The following PANK1 variants were observed in gnomAD, a reference collection of about 807,000 sequenced individuals.
PANK1 encodes pantothenate kinase 1, also known as pantothenic acid kinase 1.
PANK1 carries 18 observed loss-of-function variants against 40.1 expected under a neutral mutation model. That is an observed-to-expected ratio of 0.45 (90% CI 0.31 to 0.67). The LOEUF is 0.67. Among genes scored for constraint, PANK1 ranks in the 30% least tolerant of loss-of-function variants. The pLI, the probability that PANK1 is intolerant of heterozygous loss-of-function variation, is 0.06. For synonymous variants in PANK1, 242 were observed against 237.7 expected, an observed-to-expected ratio of 1.02 and a Z score of -0.17; for missense variants, 457 against 599.6, an observed-to-expected ratio of 0.76 and a Z score of 2.48.
At chr10:89,625,050 T>C (rs1431673145) in intron 1 of PANK1, among the ~76,000 whole-genome samples, 14 of 152,162 alleles carry the variant, frequency 9.2e-5, no homozygotes, top group Admixed American at 9.2e-4. Flanking sequence ...AAGTGTGCAC[T>C]CTACCACTTC....
At chr10:89,620,543 G>A (rs1468952555) in intron 1 of PANK1, among the ~76,000 whole-genome samples, 1 of 152,158 alleles carries the variant, frequency 6.6e-6, no homozygotes, top group East Asian at 1.9e-4. Context: ...GTCTGCTCTC[G>A]AACCCTATTT....
chr10:89,612,042 G>C lies in PANK1; in HGVS notation c.299C>G (p.Pro100Arg). ...TCCACCGATGTCCATGCCAAACCAT[G>C]GGAATGCTAAAGGACAGAAAGAAAG... ...DSGRKNRPPF[P>R]WFGMDIGGTL... is the part of the protein sequence containing the mutation. The change falls in exon 2 of 7, where the codon CCA (proline) becomes CGA (arginine). Residue 100 changes from proline (P) to arginine (R), a missense_variant. Transcript: ENST00000307534. The C allele has an allele frequency of 6.2e-7, 1 of 1,611,914 alleles. No individual in the cohort carries two copies. Among genetic ancestry groups the C allele is most frequent in the Non-Finnish European group, 8.5e-7 (1 of 1,179,112 alleles).
intron 1 of PANK1, among the ~76,000 whole-genome samples, 164 bp downstream of exon 1, chr10:89,644,436 C>T (rs1183572455): frequency 6.6e-6 from 1 of 152,234 alleles, no homozygotes; most frequent in African/African-American, 2.4e-5. Flanking sequence ...CTTGATGTCC[C>T]CTAGGAAAAG....
At chr10:89,632,638 T>C (rs1423540532) in intron 1 of PANK1, among the ~76,000 whole-genome samples, 1 of 152,234 alleles carries the variant, frequency 6.6e-6, no homozygotes, top group Non-Finnish European at 1.5e-5. Context: ...AATACTTAAG[T>C]GCATGCATGT....
At chr10:89,640,246 T>A (rs113466440) in intron 1 of PANK1, among the ~76,000 whole-genome samples, 20 of 152,348 alleles carry the variant, frequency 1.3e-4, no homozygotes, top group African/African-American at 4.6e-4. Flanking sequence ...TCGAAGCTAC[T>A]GTCATGACTT....
chr10:89,595,642 A>C (rs1200027873), intron 3 of PANK1, among the ~76,000 whole-genome samples: 1 of 150,718 alleles, frequency 6.6e-6, no homozygotes. Flanking sequence ...CAACACGGTG[A>C]AACCCTGTCT....
chr10:89,636,109 G>C (rs1841797617), intron 1 of PANK1, among the ~76,000 whole-genome samples: 1 of 152,026 alleles, frequency 6.6e-6, no homozygotes, highest in African/African-American at 2.4e-5. Flanking sequence ...TAGAGTTCTG[G>C]GGTGTTGGTG....
chr10:89,604,147 T>C (rs1844870159), intron 2 of PANK1, among the ~76,000 whole-genome samples: 1 of 152,202 alleles, frequency 6.6e-6, no homozygotes, highest in Non-Finnish European at 1.5e-5. Flanking sequence ...TTGCCCTAAA[T>C]TTAATGTCAA....
At chr10:89,606,760 G>A (rs1205713079) in intron 2 of PANK1, among the ~76,000 whole-genome samples, 1 of 152,184 alleles carries the variant, frequency 6.6e-6, no homozygotes, top group Non-Finnish European at 1.5e-5. Context: ...CTGGGTTCAA[G>A]CGATCCACCC....
At chr10:89,614,149 G>A (rs1054981269) in intron 1 of PANK1, 3 of 403,644 alleles carry the variant, frequency 7.4e-6, no homozygotes, top group Non-Finnish European at 1.5e-5. Context: ...CCTGGGCTAT[G>A]CAACCAGTGC....
chr10:89,602,332 C>T (rs1412074829), intron 2 of PANK1, among the ~76,000 whole-genome samples: 1 of 152,250 alleles, frequency 6.6e-6, no homozygotes, highest in Non-Finnish European at 1.5e-5. Context: ...AACATCTCTT[C>T]TACACATTTC....
chr10:89,584,972 C>T (rs1020037431), intron 6 of PANK1, among the ~76,000 whole-genome samples: 10 of 152,170 alleles, frequency 6.6e-5, no homozygotes, highest in African/African-American at 1.2e-4. Context: ...AAAGACCATA[C>T]GTCTATGAAA....
downstream of PANK1, chr10:89,582,138 T>G (rs74584307): frequency 1.3e-3 from 198 of 152,330 alleles, 2 homozygotes; most frequent in African/African-American, 4.5e-3. Flanking sequence ...GTGAGGAAAC[T>G]ATGGTTTAGA....
In PANK1 at chr10:89,645,076, G is replaced by A. The variant is rs1392859314; in HGVS notation, c.-185C>T. The A allele has an allele frequency of 2.0e-6, 3 of 1,536,772 alleles. No individual in the cohort carries two copies. The highest frequency in any genetic ancestry group is 2.6e-6 in the Non-Finnish European group (3 of 1,148,876). On this transcript the variant is annotated 5_prime_UTR_variant, in exon 1 of 7. Transcript: ENST00000307534. ...TCCTGCCGACTCCCCCACCTCCTCTGCGCCCTGCCCCCCGCGCGCCGGCCC... is the reference window on the plus strand; with the variant it reads ...TCCTGCCGACTCCCCCACCTCCTCTACGCCCTGCCCCCCGCGCGCCGGCCC...
At chr10:89,620,448 T>C (rs892676252) in intron 1 of PANK1, among the ~76,000 whole-genome samples, 1 of 152,202 alleles carries the variant, frequency 6.6e-6, no homozygotes, top group African/African-American at 2.4e-5. Context: ...AGATAAGGGA[T>C]GAAATACACC....
intron 5 of PANK1, among the ~76,000 whole-genome samples, chr10:89,590,197 C>T (rs987182342): frequency 9.2e-5 from 14 of 151,794 alleles, no homozygotes; most frequent in Non-Finnish European, 1.8e-4. Context: ...AAAACATCAC[C>T]ACAAACAAAT....
chr10:89,593,842 A>T lies in PANK1; in HGVS notation c.1047T>A (p.Phe349Leu). The change falls in exon 4 of 7, where the codon TTT (phenylalanine) becomes TTA (leucine). Residue 349 changes from phenylalanine (F) to leucine (L), a missense_variant. Physicochemically the swap from Phe to Leu is conservative, Grantham distance 22 (BLOSUM62 0). Around this residue, in one of 4 missense-constraint regions of PANK1, gnomAD observed 286 missense variants for 415.8 expected, o/e 0.69. Transcript: ENST00000307534. ...ATGCTACAGCAGATCCTTGAAGGCC[A>T]AATCGTTCATAGTCTCCTCCGTAAA... ...KDIYGGDYER[F>L]GLQGSAVASS... is the part of the protein sequence containing the mutation. The T allele has an allele frequency of 6.2e-7, 1 of 1,613,928 alleles. No individual in the cohort carries two copies. Among genetic ancestry groups the T allele is most frequent in the Non-Finnish European group, 8.5e-7 (1 of 1,179,828 alleles).
intron 2 of PANK1, among the ~76,000 whole-genome samples, chr10:89,599,706 CA>C (rs1329366511): frequency 6.6e-6 from 1 of 152,178 alleles, no homozygotes; most frequent in African/African-American, 2.4e-5. Flanking sequence ...GCCCACAGTG[CA>C]TGCTAAAGGA....
Position 89,626,303 on chromosome 10 carries a change from ATT to A in PANK1, c.293-14257_293-14256del, listed in dbSNP as rs34014935. ...ATCAACTTTCTGTGTGGTCCTCAGC[ATT>A]TTTTTTTTTTTTTTTTTGAGACGGA... On this transcript the variant is annotated intron_variant, in intron 1 of 6. Transcript: ENST00000307534. The A allele has an allele frequency of 5.0e-3, 646 of 128,178 alleles. 2 individuals are homozygous for A. The highest frequency in any genetic ancestry group is 0.013 in the South Asian group (51 of 4,006). The allele number at this position is 128,178 out of a possible 1,614,324, so 7.9% of individuals were successfully genotyped here. A position where few individuals can be genotyped will look rare whatever the true frequency, so the allele number is the denominator to read the frequency against.
Sources: gnomAD v4.1 joint callset for allele counts (sites outside exome capture counted in the v4.1 genomes callset) on GRCh38, gnomAD v4.1.1 for gene constraint, gnomAD v4.1.1 regional missense constraint, MANE v1.5 for transcripts, NCBI Gene and HGNC (gene_info 2026-07-23, HGNC 2026-07-21) for gene names.